PPP4R2: variants seen among roughly 807,000 people sequenced by gnomAD.
PPP4R2 encodes the protein protein phosphatase 4 regulatory subunit 2, also known as serine/threonine-protein phosphatase 4 regulatory subunit 2.
PPP4R2 carries 13 observed loss-of-function variants against 47.2 expected under a neutral mutation model. The observed-to-expected ratio is 0.28, with a 90% CI of 0.18 to 0.44. PPP4R2 has a LOEUF of 0.44. PPP4R2 is among the 20% of genes least tolerant of loss of function. PPP4R2 has a pLI of 1.00. For synonymous variants in PPP4R2, 151 were observed against 163.3 expected (o/e 0.92, Z 0.57); for missense variants, 421 against 491.2 (o/e 0.86, Z 1.35).
Position 73,000,142 on chromosome 3 carries a change from T to G in PPP4R2, c.116+1984T>G, listed in dbSNP as rs150329818. Among the ~76,000 whole-genome samples, 590 of 152,290 alleles carry G rather than the reference T, an allele frequency of 3.9e-3. 3 individuals are homozygous for G. Among genetic ancestry groups the G allele is most frequent in the African/African-American group, 0.013 (530 of 41,556 alleles). ...GGCTCATGCCTGTATCTCAGCACTT[T>G]GGGAAACAGTGGGTCACTTGAGCTC... On this transcript the variant is annotated intron_variant, in intron 2 of 8. Coordinates refer to ENST00000356692, the MANE Select transcript of PPP4R2 (RefSeq NM_174907.4).
At chr3:73,003,062 G>C (rs893975100) in intron 2 of PPP4R2, among the ~76,000 whole-genome samples, 1 of 152,010 alleles carries the variant, frequency 6.6e-6, no homozygotes, top group Non-Finnish European at 1.5e-5. Context: ...ACATCAGAAA[G>C]TCTAAAATAA....
At chr3:73,060,590 G>C (rs1045788522) in intron 4 of PPP4R2, among the ~76,000 whole-genome samples, 1 of 118,660 alleles carries the variant, frequency 8.4e-6, no homozygotes, top group African/African-American at 3.1e-5. Flanking sequence ...TACAAAAAAG[G>C]TTTGAGTCTC....
chr3:73,051,700 A>G (rs1275735672), intron 3 of PPP4R2, among the ~76,000 whole-genome samples: 1 of 152,090 alleles, frequency 6.6e-6, no homozygotes, highest in East Asian at 1.9e-4. Context: ...ATCTCAGCTC[A>G]TTGCAACCTC....
chr3:73,036,741 T>C (rs887796966), intron 2 of PPP4R2, among the ~76,000 whole-genome samples: 10 of 152,212 alleles, frequency 6.6e-5, no homozygotes, highest in African/African-American at 2.4e-4. Context: ...CAGATAATTA[T>C]TACTTACGTG....
intron 3 of PPP4R2, among the ~76,000 whole-genome samples, chr3:73,049,524 G>A (rs1410438279): frequency 6.6e-6 from 1 of 151,930 alleles, no homozygotes; most frequent in East Asian, 1.9e-4. Context: ...ACTTCTCGGG[G>A]TTATTTATAA....
chr3:73,015,231 G>T (rs1413482819), intron 2 of PPP4R2, among the ~76,000 whole-genome samples: 3 of 152,196 alleles, frequency 2.0e-5, no homozygotes, highest in African/African-American at 7.2e-5. Flanking sequence ...CCAGGGTGGA[G>T]TGCAGTGACT....
intron 2 of PPP4R2, among the ~76,000 whole-genome samples, chr3:73,034,315 CTCT>C (rs1702223207): frequency 6.6e-6 from 1 of 152,138 alleles, no homozygotes; most frequent in Non-Finnish European, 1.5e-5. Context: ...TTAACTCCTC[CTCT>C]TCCCTCCAAA....
At chr3:72,999,956 C>T (rs1701425736) in intron 2 of PPP4R2, among the ~76,000 whole-genome samples, 1 of 152,154 alleles carries the variant, frequency 6.6e-6, no homozygotes, top group Non-Finnish European at 1.5e-5. Context: ...CTGACATTTG[C>T]AGAGTTTCTG....
intron 3 of PPP4R2, 21 bp from the exon 4 acceptor site, chr3:73,059,016 T>C: frequency 1.4e-6 from 2 of 1,438,944 alleles, no homozygotes; most frequent in Non-Finnish European, 1.9e-6. Flanking sequence ...TCTCACACTG[T>C]AAAATTATAT....
intron 2 of PPP4R2, among the ~76,000 whole-genome samples, chr3:73,005,565 C>T (rs993770905): frequency 2.6e-5 from 4 of 151,556 alleles, no homozygotes; most frequent in East Asian, 2.0e-4. Context: ...AGCAGTGTTA[C>T]GGGCCGGGTG....
intron 2 of PPP4R2, among the ~76,000 whole-genome samples, chr3:73,026,504 G>A (rs1182984354): frequency 6.6e-6 from 1 of 152,118 alleles, no homozygotes; most frequent in Non-Finnish European, 1.5e-5. Flanking sequence ...TGTTTAGAGT[G>A]AGTTCCCTGA....
chr3:73,049,721 G>C (rs889390775), intron 3 of PPP4R2, among the ~76,000 whole-genome samples: 1 of 150,700 alleles, frequency 6.6e-6, no homozygotes, highest in African/African-American at 2.4e-5. Flanking sequence ...TTCACATTAA[G>C]TTGGGCTAGA....
intron 2 of PPP4R2, among the ~76,000 whole-genome samples, chr3:73,006,945 T>C (rs201825754): frequency 3.3e-5 from 5 of 151,922 alleles, no homozygotes; most frequent in Admixed American, 3.3e-4. Context: ...ATCCACTTTT[T>C]GAGTCTGTGG....
chr3:73,068,957 G>T lies in PPP4R2; in HGVS notation c.*3235G>T, dbSNP rs1177856850. ...AGGTGAGGGTCAGTTCTCAAGATTT[G>T]TGCTAATCATAAAATGAATGAATGC... is the stretch of plus-strand genomic sequence containing the variant. On this transcript the variant is annotated 3_prime_UTR_variant, in exon 9 of 9. Transcript: ENST00000356692. 6.6e-6 allele frequency: 1 copy of T among 152,094 alleles called. No homozygotes were observed. The highest frequency in any genetic ancestry group is 1.5e-5 in the Non-Finnish European group (1 of 68,014). 9.4% of individuals were successfully genotyped at this position (152,094 alleles called of 1,614,324 possible).
At chr3:73,016,857 C>T (rs1331057377) in intron 2 of PPP4R2, among the ~76,000 whole-genome samples, 17 of 136,288 alleles carry the variant, frequency 1.2e-4, no homozygotes, top group African/African-American at 3.6e-4. Flanking sequence ...CTCACTCTGT[C>T]GCCCAGGCTG....
At chr3:73,062,367 A>T in intron 5 of PPP4R2, 2 of 1,606,286 alleles carry the variant, frequency 1.2e-6, no homozygotes, top group South Asian at 2.2e-5. Context: ...ACCCCAACCC[A>T]GCATTGGGGA....
intron 5 of PPP4R2, chr3:73,063,205 A>T: frequency 2.6e-6 from 1 of 386,790 alleles, no homozygotes; most frequent in Non-Finnish European, 4.9e-6. Context: ...ACCAGGATCA[A>T]CCATCACACT....
At chr3:73,020,442 G>A (rs893558198) in intron 2 of PPP4R2, among the ~76,000 whole-genome samples, 2 of 152,058 alleles carry the variant, frequency 1.3e-5, no homozygotes, top group Non-Finnish European at 2.9e-5. Context: ...CAGGCGGATC[G>A]CTTGAGCCCA....
chr3:73,012,322 C>T (rs924405857), intron 2 of PPP4R2, among the ~76,000 whole-genome samples: 9 of 151,814 alleles, frequency 5.9e-5, no homozygotes, highest in Non-Finnish European at 1.2e-4. Flanking sequence ...TTTTTTGAGA[C>T]GGAGTCTTGC....
Sources: allele counts gnomAD v4.1 joint callset (sites outside exome capture counted in the v4.1 genomes callset), GRCh38; gene constraint gnomAD v4.1.1; transcripts MANE v1.5; gene names NCBI Gene and HGNC (gene_info 2026-07-23, HGNC 2026-07-21).